DLG2: variants seen among roughly 807,000 people sequenced by gnomAD.
DLG2 encodes the protein disks large homolog 2.
Under a neutral mutation model 132.5 loss-of-function variants are expected in DLG2, and 45 were observed. The ratio of observed to expected loss-of-function variants is 0.34; its 90% CI spans 0.27 to 0.44. DLG2 has a LOEUF of 0.44. DLG2 is among the 20% of genes least tolerant of loss of function. DLG2 has a pLI of 1.00. For synonymous variants in DLG2, 424 were observed against 419.6 expected (o/e 1.01, Z -0.13); for missense variants, 1,045 against 1,196.9 (o/e 0.87, Z 1.87).
At chr11:83,517,484 G>C (rs1001854250) in intron 21 of DLG2, among the ~76,000 whole-genome samples, 1 of 152,138 alleles carries the variant, frequency 6.6e-6, no homozygotes, top group Non-Finnish European at 1.5e-5. Flanking sequence ...CTTTAGCTCG[G>C]AGTAGTTTGA....
intron 4 of DLG2, among the ~76,000 whole-genome samples, chr11:85,250,408 T>C (rs1490179692): frequency 6.6e-6 from 1 of 152,204 alleles, no homozygotes; most frequent in Non-Finnish European, 1.5e-5. Flanking sequence ...GTAGTATGCC[T>C]GCCTCAAAAT....
chr11:83,947,097 T>G (rs1467462704), intron 14 of DLG2, among the ~76,000 whole-genome samples: 1 of 151,728 alleles, frequency 6.6e-6, no homozygotes, highest in Non-Finnish European at 1.5e-5. Context: ...GATGTTGCTA[T>G]GCATATATTT....
intron 3 of DLG2, among the ~76,000 whole-genome samples, chr11:85,565,767 A>AT (rs1565693097): frequency 1.3e-5 from 2 of 151,920 alleles, no homozygotes; most frequent in African/African-American, 4.8e-5. Flanking sequence ...GGACATTTGG[A>AT]TTTTTTCCAC....
At chr11:84,632,830 T>C (rs2099634328) in intron 6 of DLG2, among the ~76,000 whole-genome samples, 1 of 152,178 alleles carries the variant, frequency 6.6e-6, no homozygotes, top group African/African-American at 2.4e-5. Context: ...AAAGCAACAC[T>C]CCAGAATTTT....
chr11:85,436,229 C>T (rs2091472381), intron 3 of DLG2, among the ~76,000 whole-genome samples: 1 of 152,088 alleles, frequency 6.6e-6, no homozygotes, highest in South Asian at 2.1e-4. Context: ...CTAGGCAATA[C>T]CATTCAGGAC....
intron 6 of DLG2, among the ~76,000 whole-genome samples, chr11:84,647,940 G>T (rs2099676922): frequency 6.6e-6 from 1 of 152,050 alleles, no homozygotes; most frequent in Admixed American, 6.6e-5. Flanking sequence ...GATAGTTATG[G>T]TGCTTAGTAC....
intron 3 of DLG2, among the ~76,000 whole-genome samples, chr11:85,535,405 G>T (rs1218399167): frequency 6.6e-6 from 1 of 151,946 alleles, no homozygotes; most frequent in Non-Finnish European, 1.5e-5. Context: ...TAAAAATAAT[G>T]TCAGTGCGTA....
chr11:84,927,421 A>T (rs1252055152), intron 6 of DLG2, among the ~76,000 whole-genome samples: 1 of 151,984 alleles, frequency 6.6e-6, no homozygotes, highest in Non-Finnish European at 1.5e-5. Flanking sequence ...AGAATTTCTG[A>T]GGGTGGGAAT....
chr11:85,602,050 TA>T (rs2153234140), intron 2 of DLG2, among the ~76,000 whole-genome samples: 1 of 152,322 alleles, frequency 6.6e-6, no homozygotes, highest in South Asian at 2.1e-4. Flanking sequence ...TTTGGATGTC[TA>T]ATAAGCATCT....
intron 11 of DLG2, among the ~76,000 whole-genome samples, chr11:83,996,325 A>C (rs770846144): frequency 1.5e-4 from 23 of 152,116 alleles, no homozygotes; most frequent in Non-Finnish European, 4.4e-5. Context: ...GGTAATGACA[A>C]ATACTGGCTG....
chr11:85,378,966 A>G (rs1370972404), intron 3 of DLG2, among the ~76,000 whole-genome samples: 1 of 152,176 alleles, frequency 6.6e-6, no homozygotes, highest in South Asian at 2.1e-4. Context: ...CCCCTTTACC[A>G]GCACTTAAAT....
chr11:83,609,986 T>A (rs909447396), intron 19 of DLG2, among the ~76,000 whole-genome samples: 5 of 152,218 alleles, frequency 3.3e-5, no homozygotes, highest in African/African-American at 1.2e-4. Flanking sequence ...AAGCTGAGAA[T>A]TATTTTCATA....
At chr11:83,482,918 A>G (rs946336802) in intron 22 of DLG2, among the ~76,000 whole-genome samples, 5 of 152,132 alleles carry the variant, frequency 3.3e-5, no homozygotes, top group African/African-American at 1.2e-4. Context: ...CCTTTCTTTC[A>G]ACATGGTTTC....
intron 6 of DLG2, among the ~76,000 whole-genome samples, chr11:84,535,835 G>C (rs1342362274): frequency 1.3e-5 from 2 of 152,090 alleles, no homozygotes; most frequent in Non-Finnish European, 2.9e-5. Context: ...GCATAACACA[G>C]GGATATTGGG....
Position 84,403,638 on chromosome 11 carries a change from G to A in DLG2, c.519+130932C>T, listed in dbSNP as rs146094436. 8.5e-4 allele frequency among the ~76,000 whole-genome samples: 129 copies of A among 152,026 alleles called. 1 individual carries two copies. The highest frequency in any genetic ancestry group is 2.8e-3 in the African/African-American group (117 of 41,450). On this transcript the variant is annotated intron_variant, in intron 7 of 27. Coordinates refer to ENST00000376104, the MANE Select transcript of DLG2 (RefSeq NM_001142699.3). ...TGTGGGCTCAAAATCCTTCAATGAC[G>A]CCTACTAGCTTACCCAATAAAATTC... is the stretch of plus-strand genomic sequence containing the variant.
intron 9 of DLG2, among the ~76,000 whole-genome samples, chr11:84,134,704 G>GTGTC (rs1332603168): frequency 6.6e-6 from 1 of 151,730 alleles, no homozygotes; most frequent in Non-Finnish European, 1.5e-5. Context: ...GTGTGTGTGT[G>GTGTC]TGTGTGTGTG....
intron 3 of DLG2, among the ~76,000 whole-genome samples, chr11:85,377,925 A>G (rs1203292105): frequency 1.3e-5 from 2 of 151,602 alleles, no homozygotes; most frequent in Non-Finnish European, 2.9e-5. Context: ...ACATATTTCA[A>G]TTCCTCCTTT....
rs751856583 is a variant in DLG2 at position 85,285,297 on chromosome 11, C to T, written c.109G>A (p.Ala37Thr). Reference protein sequence around the residue: ...QKSCEQKIEEANQVLQKWEKT... With the variant: ...QKSCEQKIEETNQVLQKWEKT... ...TCCCATTTCTGTAAAACTTGATTGG[C>T]TTCTTCTATCTTCTGCTCACAACTT... Residue 37 changes from alanine (A) to threonine (T), a missense_variant, in exon 4 of 28, where the codon GCC (alanine) becomes ACC (threonine). By Grantham distance (58) the Ala-to-Thr change is moderately conservative (BLOSUM62 0). Coordinates refer to ENST00000376104, the MANE Select transcript of DLG2 (RefSeq NM_001142699.3). 7.4e-6 allele frequency: 12 copies of T among 1,611,920 alleles called. No individual in the cohort carries two copies. In the East Asian group the frequency reaches 2.0e-4, roughly 27 times the overall value.
chr11:84,087,985 C>T (rs72951828), intron 10 of DLG2, among the ~76,000 whole-genome samples: 3 of 152,238 alleles, frequency 2.0e-5, no homozygotes, highest in African/African-American at 7.2e-5. Context: ...GGGTTATCTT[C>T]TTATTGTTGA....
Sources: gnomAD v4.1 joint callset for allele counts (sites outside exome capture counted in the v4.1 genomes callset) on GRCh38, gnomAD v4.1.1 for gene constraint, MANE v1.5 for transcripts, NCBI Gene and HGNC (gene_info 2026-07-23, HGNC 2026-07-21) for gene names.